MSI2: variants seen among roughly 807,000 people sequenced by gnomAD.
MSI2 encodes musashi RNA binding protein 2, also known as RNA-binding protein Musashi homolog 2.
A neutral mutation model predicts 45.6 loss-of-function variants in MSI2; 17 were observed. That is an observed-to-expected ratio of 0.37 (90% CI 0.26 to 0.56). The LOEUF is 0.56. Among genes scored for constraint, MSI2 ranks in the 20% least tolerant of loss-of-function variants. The pLI is 0.77. For synonymous variants in MSI2, 156 were observed against 158.2 expected (o/e 0.99, Z 0.11); for missense variants, 293 against 444.2 (o/e 0.66, Z 3.06).
At chr17:57,557,301 G>T (rs147925207) in intron 7 of MSI2, among the ~76,000 whole-genome samples, 2 of 152,148 alleles carry the variant, frequency 1.3e-5, no homozygotes, top group Non-Finnish European at 2.9e-5. Context: ...CTCTTTTTAC[G>T]CAAGATGAGT....
At chr17:57,379,145 C>T (rs1415760221) in intron 5 of MSI2, among the ~76,000 whole-genome samples, 1 of 151,332 alleles carries the variant, frequency 6.6e-6, no homozygotes, top group East Asian at 1.9e-4. Context: ...AAAACCCTGA[C>T]ATCCTCCCTC....
At chr17:57,548,883 C>T (rs560238308) in intron 7 of MSI2, among the ~76,000 whole-genome samples, 58 of 150,882 alleles carry the variant, frequency 3.8e-4, no homozygotes, top group African/African-American at 1.4e-3. Flanking sequence ...TTACTTCTCA[C>T]TGTTTGTTTA....
chr17:57,433,396 C>T (rs1017266620), intron 6 of MSI2, among the ~76,000 whole-genome samples: 2 of 152,036 alleles, frequency 1.3e-5, no homozygotes, highest in East Asian at 3.8e-4. Context: ...GAGAAGACCC[C>T]GTGAACATAG....
At chr17:57,685,059 C>T (rs1598526361), downstream of MSI2, among the ~76,000 whole-genome samples, 1 of 152,250 alleles carries the variant, frequency 6.6e-6, no homozygotes, top group East Asian at 1.9e-4. Context: ...CAGTTATCAA[C>T]AGTGCTGGGA....
intron 7 of MSI2, among the ~76,000 whole-genome samples, chr17:57,546,856 G>A (rs763959221): frequency 1.3e-5 from 2 of 152,192 alleles, no homozygotes; most frequent in Non-Finnish European, 2.9e-5. Context: ...CCATGTTCCA[G>A]GTGCAATGCT....
chr17:57,436,019 AGGTGGAG>A (rs1199913539), intron 6 of MSI2, among the ~76,000 whole-genome samples: 45 of 152,302 alleles, frequency 3.0e-4, no homozygotes, highest in Middle Eastern at 3.4e-3. Context: ...TCCATGCTGG[AGGTGGAG>A]GGTTAGCTCT....
rs577736355 is a variant in MSI2 at position 57,632,144 on chromosome 17, G to T, written c.727+4841G>T. 1.6e-4 allele frequency: 195 copies of T among 1,205,772 alleles called. 2 individuals are homozygous for T. In the South Asian group the frequency reaches 4.7e-3, roughly 29 times the overall value. The allele number at this position is 1,205,772 out of a possible 1,614,324, so 74.7% of individuals were successfully genotyped here. On this transcript the variant is annotated intron_variant, in intron 10 of 13. Coordinates refer to ENST00000284073, the MANE Select transcript of MSI2 (RefSeq NM_138962.4). ...CACAAACTTCGTAGAGCCTCCTCAG[G>T]GGAAGCTAGGAAGAAGACATCAAAT...
intron 6 of MSI2, among the ~76,000 whole-genome samples, chr17:57,409,819 C>T (rs151177126): frequency 0.069 from 10,523 of 151,772 alleles, 492 homozygotes; most frequent in Non-Finnish European, 0.1. Flanking sequence ...CCAGCCTGGC[C>T]AACATGGTGA....
At chr17:57,618,794 A>G (rs1907993036) in intron 9 of MSI2, among the ~76,000 whole-genome samples, 2 of 152,186 alleles carry the variant, frequency 1.3e-5, no homozygotes, top group Admixed American at 1.3e-4. Flanking sequence ...CACCCGCCTC[A>G]GCCTCCCAAA....
intron 5 of MSI2, among the ~76,000 whole-genome samples, chr17:57,293,595 G>GTTTTTTTTTTTTTTTTTT (rs71139983): frequency 2.2e-5 from 3 of 134,724 alleles, no homozygotes; most frequent in Non-Finnish European, 1.5e-5. Flanking sequence ...TTGTTTTTTT[G>GTTTTTTTTTTTTTTTTTT]TTTTTTTTTT....
downstream of MSI2, among the ~76,000 whole-genome samples, chr17:57,689,179 C>CTT (rs555266949): frequency 8.1e-4 from 99 of 122,902 alleles, no homozygotes; most frequent in East Asian, 0.017. Context: ...TGGGTTTTCT[C>CTT]TTTTTTTTTA....
intron 5 of MSI2, among the ~76,000 whole-genome samples, chr17:57,368,438 C>T (rs1301295510): frequency 6.6e-6 from 1 of 151,950 alleles, no homozygotes; most frequent in Non-Finnish European, 1.5e-5. Context: ...CGCCTGTAAT[C>T]CCAGCTACTC....
rs757878922 is a variant in MSI2 at position 57,257,091 on chromosome 17, C to T, written c.63-7C>T. ...GTGCTCACTTCTGTTATGTTTTCTC[C>T]CTCTAGTAAAATGTTTATCGGTGGA... On this transcript the variant is annotated splice_region_variant and splice_polypyrimidine_tract_variant and intron_variant, in intron 1 of 13. Coordinates refer to ENST00000284073, the MANE Select transcript of MSI2 (RefSeq NM_138962.4). 29 of 1,593,814 alleles carry T rather than the reference C, an allele frequency of 1.8e-5. No individual in the cohort carries two copies. The African/African-American group carries it at 2.3e-4, about 13-fold the overall frequency.
intron 6 of MSI2, among the ~76,000 whole-genome samples, chr17:57,465,412 C>G (rs1442769067): frequency 6.6e-6 from 1 of 152,014 alleles, no homozygotes; most frequent in African/African-American, 2.4e-5. Context: ...CTTTCCCTAA[C>G]CAGGGAAAAT....
At chr17:57,358,217 G>C (rs1262774548) in intron 5 of MSI2, among the ~76,000 whole-genome samples, 1 of 152,124 alleles carries the variant, frequency 6.6e-6, no homozygotes, top group African/African-American at 2.4e-5. Context: ...GTGTGTGTGT[G>C]TGTGTGTGTG....
chr17:57,617,053 CT>C (rs1454240357), intron 9 of MSI2, among the ~76,000 whole-genome samples: 1 of 152,210 alleles, frequency 6.6e-6, no homozygotes, highest in African/African-American at 2.4e-5. Flanking sequence ...AGATTTGCTG[CT>C]GTTTAAATCA....
At position 57,683,427 on chromosome 17, in the gene MSI2, C is replaced by T. The variant is rs904104297; in HGVS notation, c.*3910C>T. On this transcript the variant is annotated 3_prime_UTR_variant, in exon 14 of 14. Transcript: ENST00000284073. This position sits in a 1 kb window ranked among gnomAD's most constrained non-coding sequence, Gnocchi z 5.2. ...AACCTATTTTGATCTTTAGTGCAAACGAGGGCTAGGGACTTAGCCTCCTCC... is the reference window on the plus strand; with the variant it reads ...AACCTATTTTGATCTTTAGTGCAAATGAGGGCTAGGGACTTAGCCTCCTCC... 2 of 228,722 alleles carry T rather than the reference C, an allele frequency of 8.7e-6. No individual in the cohort carries two copies. The highest frequency in any genetic ancestry group is 4.4e-5 in the African/African-American group (2 of 45,040). The allele number at this position is 228,722 out of a possible 1,614,324, so 14.2% of individuals were successfully genotyped here.
chr17:57,309,573 A>G (rs1408382987), intron 5 of MSI2, among the ~76,000 whole-genome samples: 1 of 152,208 alleles, frequency 6.6e-6, no homozygotes, highest in Non-Finnish European at 1.5e-5. Context: ...ATAATGGTGA[A>G]AGAAAAGTGC....
chr17:57,272,583 G>A (rs145826796), intron 5 of MSI2, among the ~76,000 whole-genome samples: 78 of 152,246 alleles, frequency 5.1e-4, no homozygotes, highest in African/African-American at 1.8e-3. Flanking sequence ...AAAGTAATCC[G>A]TATTTCCATG....
Sources: allele counts gnomAD v4.1 joint callset (sites outside exome capture counted in the v4.1 genomes callset), GRCh38; gene constraint gnomAD v4.1.1; non-coding constraint Gnocchi (gnomAD v3.1); transcripts MANE v1.5; gene names NCBI Gene and HGNC (gene_info 2026-07-23, HGNC 2026-07-21).